The following CEP112 variants were observed in gnomAD, a reference collection of about 807,000 sequenced individuals.
CEP112 encodes the protein centrosomal protein 112.
In CEP112, 127 loss-of-function variants were observed where a neutral mutation model predicts 153.0. That is an observed-to-expected ratio of 0.83 (90% CI 0.72 to 0.96). CEP112 has a LOEUF of 0.96. Among genes scored for constraint, CEP112 ranks in the 40% least tolerant of loss-of-function variants. CEP112 has a pLI of 0.00. For missense variants in CEP112, 1,089 were observed against 1,101.2 expected (o/e 0.99, Z 0.16); for synonymous variants, 358 against 374.4 (o/e 0.96, Z 0.51).
chr17:65,646,095 C>T (rs2045415324), intron 24 of CEP112, among the ~76,000 whole-genome samples: 1 of 152,160 alleles, frequency 6.6e-6, no homozygotes, highest in Non-Finnish European at 1.5e-5. Flanking sequence ...GCCCACTATT[C>T]ACATGTGATG....
intron 17 of CEP112, among the ~76,000 whole-genome samples, chr17:65,983,276 C>T (rs1461934400): frequency 6.6e-6 from 1 of 152,152 alleles, no homozygotes. Flanking sequence ...GAGCAGGAGT[C>T]CAAATTCAAA....
At chr17:65,767,665 T>C (rs1206383273) in intron 21 of CEP112, among the ~76,000 whole-genome samples, 1 of 151,960 alleles carries the variant, frequency 6.6e-6, no homozygotes, top group African/African-American at 2.4e-5. Context: ...GATTCAAATA[T>C]ATAAACTCAG....
chr17:65,723,223 T>C (rs889164882), intron 23 of CEP112, among the ~76,000 whole-genome samples: 1 of 152,106 alleles, frequency 6.6e-6, no homozygotes, highest in Admixed American at 6.6e-5. Context: ...TTATTAACCA[T>C]GCCAAAGAAA....
At chr17:65,748,352 T>G (rs541162083) in intron 22 of CEP112, among the ~76,000 whole-genome samples, 113 of 152,336 alleles carry the variant, frequency 7.4e-4, no homozygotes, top group African/African-American at 2.5e-3. Flanking sequence ...TACTAGTTGC[T>G]TTTTCCTTCT....
At chr17:65,903,731 C>G (rs1179250715) in intron 19 of CEP112, among the ~76,000 whole-genome samples, 1 of 152,062 alleles carries the variant, frequency 6.6e-6, no homozygotes, top group Non-Finnish European at 1.5e-5. Context: ...ACTGGCAAAC[C>G]GAATCCAGCA....
At chr17:65,998,993 C>G (rs994410433) in intron 17 of CEP112, among the ~76,000 whole-genome samples, 1 of 151,942 alleles carries the variant, frequency 6.6e-6, no homozygotes, top group Non-Finnish European at 1.5e-5. Context: ...ACTTTTATAT[C>G]TAGTATAATA....
At chr17:65,731,896 T>C (rs2050528029) in intron 23 of CEP112, among the ~76,000 whole-genome samples, 1 of 152,204 alleles carries the variant, frequency 6.6e-6, no homozygotes, top group Non-Finnish European at 1.5e-5. Flanking sequence ...GTTCTCTTGC[T>C]ATTCTACCAC....
chr17:66,066,106 T>C (rs147184222), intron 10 of CEP112, among the ~76,000 whole-genome samples: 115 of 152,230 alleles, frequency 7.6e-4, no homozygotes, highest in African/African-American at 2.7e-3. Flanking sequence ...AAAACAATAT[T>C]TTCAACACTC....
At chr17:65,725,466 C>G (rs1314867878) in intron 23 of CEP112, among the ~76,000 whole-genome samples, 1 of 151,936 alleles carries the variant, frequency 6.6e-6, no homozygotes, top group East Asian at 1.9e-4. Context: ...TACAGGTGCG[C>G]ACCACCGCGC....
chr17:65,799,622 C>T (rs986099325), intron 21 of CEP112, among the ~76,000 whole-genome samples: 1 of 152,196 alleles, frequency 6.6e-6, no homozygotes, highest in Non-Finnish European at 1.5e-5. Context: ...GCACTGCTGC[C>T]CTTAGGCAAG....
intron 6 of CEP112, among the ~76,000 whole-genome samples, chr17:66,117,320 C>T (rs997199080): frequency 3.3e-5 from 5 of 152,026 alleles, no homozygotes; most frequent in East Asian, 1.9e-4. Context: ...TTTTACCCAT[C>T]GTTAGCTATA....
At chr17:65,719,544 C>T (rs766293103) in intron 23 of CEP112, among the ~76,000 whole-genome samples, 8 of 152,048 alleles carry the variant, frequency 5.3e-5, no homozygotes, top group African/African-American at 9.6e-5. Flanking sequence ...ATCATGCCAC[C>T]GCACTCCAGC....
intron 8 of CEP112, among the ~76,000 whole-genome samples, chr17:66,092,143 G>A (rs749077983): frequency 3.3e-5 from 5 of 151,066 alleles, no homozygotes; most frequent in Admixed American, 2.7e-4. Flanking sequence ...AGGTTCAAGC[G>A]ATTCTCCTGC....
chr17:66,106,390 G>A (rs1232671273), intron 6 of CEP112, among the ~76,000 whole-genome samples: 1 of 151,692 alleles, frequency 6.6e-6, no homozygotes, highest in African/African-American at 2.4e-5. Context: ...AAATCAACAA[G>A]CCTTCAACCA....
chr17:65,873,277 C>A (rs887940811), intron 20 of CEP112, among the ~76,000 whole-genome samples: 2 of 152,220 alleles, frequency 1.3e-5, no homozygotes, highest in Non-Finnish European at 2.9e-5. Context: ...TCTTACCTTA[C>A]ACTTGTCACT....
intron 18 of CEP112, among the ~76,000 whole-genome samples, chr17:65,944,783 G>A (rs1310426845): frequency 1.3e-5 from 2 of 151,788 alleles, no homozygotes; most frequent in African/African-American, 4.8e-5. Flanking sequence ...CAAGATAGGG[G>A]GTCTCCTTCT....
chr17:66,136,881 G>A (rs934098405), intron 4 of CEP112, among the ~76,000 whole-genome samples: 3 of 152,110 alleles, frequency 2.0e-5, no homozygotes, highest in African/African-American at 4.8e-5. Flanking sequence ...TACTCAGGCC[G>A]ATTCTTGAAG....
chr17:65,639,899 G>A (rs112700863), intron 25 of CEP112, among the ~76,000 whole-genome samples: 1 of 137,372 alleles, frequency 7.3e-6, no homozygotes, highest in South Asian at 2.3e-4. Context: ...TGCACTGGGC[G>A]TGACCTCGGC....
chr17:66,037,685 C>T (rs927300659), intron 12 of CEP112, among the ~76,000 whole-genome samples: 1 of 151,990 alleles, frequency 6.6e-6, no homozygotes, highest in Non-Finnish European at 1.5e-5. Flanking sequence ...AAGTACATTC[C>T]CAATTACTTC....
Sources: gnomAD v4.1 joint callset for allele counts (sites outside exome capture counted in the v4.1 genomes callset) on GRCh38, gnomAD v4.1.1 for gene constraint, MANE v1.5 for transcripts, NCBI Gene and HGNC (gene_info 2026-07-23, HGNC 2026-07-21) for gene names.